CPM: variants seen among roughly 807,000 people sequenced by gnomAD.
CPM encodes the protein renal carboxypeptidase.
In CPM, 35 loss-of-function variants were observed where a neutral mutation model predicts 46.4. The observed-to-expected ratio is 0.75, with a 90% CI of 0.58 to 1.00. The LOEUF (loss-of-function observed/expected upper bound fraction) is 1.00, where lower values mean the gene tolerates loss of function less well. Ranked by LOEUF, CPM falls within the 50% of genes least tolerant of loss-of-function variation. CPM has a pLI of 0.00. For synonymous variants in CPM, 195 were observed against 195.3 expected, an observed-to-expected ratio of 1.00 and a Z score of 0.01; for missense variants, 422 against 530.4, an observed-to-expected ratio of 0.80 and a Z score of 2.01.
intron 2 of CPM, among the ~76,000 whole-genome samples, chr12:68,916,906 A>G (rs11835447): frequency 0.12 from 17,417 of 140,736 alleles, 1,249 homozygotes; most frequent in African/African-American, 0.19. Context: ...AAAAAAAAAA[A>G]AGAGAGAGAG....
chr12:68,962,301 T>C (rs1889136280), intron 1 of CPM, among the ~76,000 whole-genome samples: 1 of 152,080 alleles, frequency 6.6e-6, no homozygotes, highest in African/African-American at 2.4e-5. Flanking sequence ...TTAAGTACAT[T>C]CACACTGTTG....
chr12:68,932,729 G>A lies in CPM; in HGVS notation c.109C>T (p.Gln37Ter). The change falls in exon 2 of 9, where the codon CAA (glutamine) becomes TAA (stop). Residue 37 changes from glutamine to a stop codon, truncating the protein, a stop_gained. Coordinates refer to ENST00000551568, the MANE Select transcript of CPM (RefSeq NM_198320.5). LOFTEE classifies it high-confidence loss of function. ...AAGTGAGTGACAGAACTGTAGTTTT[G>A]GGCAACAGTCTTCAAAAACGCTTCC... Reference protein sequence around the residue: ...GMEAFLKTVAQNYSSVTHLHS... With the variant: ...GMEAFLKTVA 6.2e-7 allele frequency: 1 copy of A among 1,614,158 alleles called. No homozygotes were observed. Among genetic ancestry groups the A allele is most frequent in the Non-Finnish European group, 8.5e-7 (1 of 1,180,020 alleles).
chr12:68,864,219 C>T (rs1034927847), intron 7 of CPM, among the ~76,000 whole-genome samples: 8 of 152,026 alleles, frequency 5.3e-5, no homozygotes, highest in Admixed American at 3.3e-4. Flanking sequence ...CCGAGGCCGG[C>T]GGATCACCTG....
chr12:68,897,512 C>T (rs2136273364), intron 2 of CPM, among the ~76,000 whole-genome samples: 1 of 152,106 alleles, frequency 6.6e-6, no homozygotes, highest in African/African-American at 2.4e-5. Context: ...CCAAGGTGGG[C>T]AGATCACAAG....
In CPM at chr12:68,891,491, G is replaced by A. The variant is rs900771988; in HGVS notation, c.161-5602C>T. Among the ~76,000 whole-genome samples the A allele has an allele frequency of 2.0e-5, 3 of 152,168 alleles. No individual in the cohort carries two copies. The South Asian group carries it at 6.2e-4, about 31-fold the overall frequency. The stretch of plus-strand genomic sequence containing the variant: ...TTATTCACAGCTCAAAGCATTTTAC[G>A]TATATTCACTCATTTAACCCTAATA... On this transcript the variant is annotated intron_variant, in intron 2 of 8. Transcript: ENST00000551568.
rs750781449 is a variant in CPM, at chr12:68,885,906, G to A, written c.161-17C>T. 12 of 1,594,744 alleles carry A rather than the reference G, an allele frequency of 7.5e-6. No homozygotes were observed. In the South Asian group the frequency reaches 1.2e-4, roughly 16 times the overall value. On this transcript the variant is annotated splice_polypyrimidine_tract_variant and intron_variant, in intron 2 of 8. Coordinates refer to ENST00000551568, the MANE Select transcript of CPM (RefSeq NM_198320.5). Reference sequence around the variant, plus strand: ...GGTTTCTACCTTTACAGGAAAAGAAGAAAAGATGGAAAAGTAAGTTGTCTC... The same window carrying A: ...GGTTTCTACCTTTACAGGAAAAGAAAAAAAGATGGAAAAGTAAGTTGTCTC...
chr12:68,878,036 T>C (rs1336157137), intron 3 of CPM, among the ~76,000 whole-genome samples: 1 of 152,244 alleles, frequency 6.6e-6, no homozygotes, highest in Non-Finnish European at 1.5e-5. Context: ...TTTTCTCTTT[T>C]CAACCTATAT....
intron 2 of CPM, among the ~76,000 whole-genome samples, chr12:68,920,854 C>T (rs1422612171): frequency 6.7e-6 from 1 of 150,010 alleles, no homozygotes; most frequent in Non-Finnish European, 1.5e-5. Context: ...CCATGCCTGG[C>T]TAATTTTTTT....
At chr12:68,921,000 C>T (rs371216277) in intron 2 of CPM, among the ~76,000 whole-genome samples, 1 of 151,978 alleles carries the variant, frequency 6.6e-6, no homozygotes, top group African/African-American at 2.4e-5. Context: ...CTGTGCCTGG[C>T]CCCTGCTTAA....
chr12:68,910,205 T>C (rs1399767111), intron 2 of CPM, among the ~76,000 whole-genome samples: 1 of 152,166 alleles, frequency 6.6e-6, no homozygotes, highest in African/African-American at 2.4e-5. Flanking sequence ...GACTCATCAA[T>C]ATGGAAATGA....
At chr12:68,885,913 T>C (rs1886407717) in intron 2 of CPM, 24 bp from the exon 3 acceptor site, 8 of 1,595,576 alleles carry the variant, frequency 5.0e-6, no homozygotes, top group Non-Finnish European at 6.9e-6. Context: ...GAAGAAAAGA[T>C]GGAAAAGTAA....
rs143974936 is a variant in CPM, at chr12:68,856,707, G to A, written c.1090-28C>T. 1.3e-4 allele frequency: 214 copies of A among 1,609,086 alleles called. No homozygotes were observed. The African/African-American group carries it at 2.7e-3, about 20-fold the overall frequency. ...GAGAAGAAACAAGAGACAATTATAT[G>A]AGTGACTTAAGATGGTTCGTGGTGC... On this transcript the variant is annotated intron_variant, in intron 8 of 8. Coordinates refer to ENST00000551568, the MANE Select transcript of CPM (RefSeq NM_198320.5).
intron 1 of CPM, among the ~76,000 whole-genome samples, chr12:68,953,795 C>G (rs1343673060): frequency 6.6e-6 from 1 of 152,220 alleles, no homozygotes; most frequent in Non-Finnish European, 1.5e-5. Context: ...TCAAATGGAA[C>G]ATGATATGAT....
At chr12:68,893,391 C>T (rs1263533849) in intron 2 of CPM, among the ~76,000 whole-genome samples, 1 of 152,160 alleles carries the variant, frequency 6.6e-6, no homozygotes, top group Non-Finnish European at 1.5e-5. Flanking sequence ...CTAGCCTGCC[C>T]CAGGTCAGCC....
intron 2 of CPM, among the ~76,000 whole-genome samples, chr12:68,897,555 G>C (rs561676037): frequency 1.3e-5 from 2 of 152,032 alleles, no homozygotes; most frequent in African/African-American, 4.8e-5. Context: ...GGCCAATATG[G>C]GGAAACCTCG....
chr12:68,953,327 T>G (rs1285235434), intron 1 of CPM, among the ~76,000 whole-genome samples: 2 of 152,152 alleles, frequency 1.3e-5, no homozygotes, highest in Non-Finnish European at 2.9e-5. Flanking sequence ...AGCAGTTCTT[T>G]CATATTTCCG....
At chr12:68,947,700 A>C (rs1888870354) in intron 1 of CPM, among the ~76,000 whole-genome samples, 1 of 151,654 alleles carries the variant, frequency 6.6e-6, no homozygotes, top group Non-Finnish European at 1.5e-5. Context: ...GCTGGAATGC[A>C]GTTGCACAAT....
chr12:68,842,459 T>C (rs1883855258), intron 5 of CPM: 3 of 421,648 alleles, frequency 7.1e-6, no homozygotes, highest in South Asian at 1.9e-5. Flanking sequence ...AACCTCTAAA[T>C]TATTGACTTA....
At chr12:68,912,855 C>T (rs1887653944) in intron 2 of CPM, among the ~76,000 whole-genome samples, 1 of 152,204 alleles carries the variant, frequency 6.6e-6, no homozygotes, top group African/African-American at 2.4e-5. Context: ...GTTAATTTAG[C>T]AGATGTAAAA....
Sources: gnomAD v4.1 joint callset for allele counts (sites outside exome capture counted in the v4.1 genomes callset) on GRCh38, gnomAD v4.1.1 for gene constraint, MANE v1.5 for transcripts, NCBI Gene and HGNC (gene_info 2026-07-23, HGNC 2026-07-21) for gene names.